UCP1: variants seen among roughly 807,000 people sequenced by gnomAD.
UCP1 encodes uncoupling protein 1.
A neutral mutation model predicts 26.2 loss-of-function variants in UCP1; 24 were observed. That is an observed-to-expected ratio of 0.92 (90% CI 0.66 to 1.29). The LOEUF is 1.29. Ranked by LOEUF, UCP1 falls within the 50% of genes most tolerant of loss-of-function variation. The pLI, the probability that UCP1 is intolerant of heterozygous loss-of-function variation, is 0.00. For missense variants in UCP1, 402 were observed against 388.7 expected, an observed-to-expected ratio of 1.03 and a Z score of -0.29; for synonymous variants, 164 against 156.8, an observed-to-expected ratio of 1.05 and a Z score of -0.34.
At chr4:140,568,238 A>AG (rs1219844853) in intron 1 of UCP1, among the ~76,000 whole-genome samples, 1 of 151,850 alleles carries the variant, frequency 6.6e-6, no homozygotes, top group Non-Finnish European at 1.5e-5. Flanking sequence ...CAGAACCCCT[A>AG]GGGCAGTAGG....
chr4:140,559,843 G>T lies in UCP1; in HGVS notation c.*53C>A. 1 of 1,418,848 alleles carries T rather than the reference G, an allele frequency of 7.0e-7. No homozygotes were observed. Among genetic ancestry groups the T allele is most frequent in the Middle Eastern group, 1.7e-4 (1 of 5,718 alleles). 87.9% of individuals were successfully genotyped at this position (1,418,848 alleles called of 1,614,324 possible). ...GTGAATAAGTTTTGTTTGTTTTTAT[G>T]ATCCAGTCAGCAAGATTCCCACTGG... is the stretch of plus-strand genomic sequence containing the variant. On this transcript the variant is annotated 3_prime_UTR_variant, in exon 6 of 6. Transcript: ENST00000262999.
intron 5 of UCP1, among the ~76,000 whole-genome samples, chr4:140,560,906 T>C (rs1431517397): frequency 6.6e-6 from 1 of 152,154 alleles, no homozygotes; most frequent in Non-Finnish European, 1.5e-5. Flanking sequence ...CTCCAGCCCC[T>C]GGTAACTTCT....
intron 2 of UCP1, among the ~76,000 whole-genome samples, chr4:140,566,012 G>C (rs1044352660): frequency 3.3e-5 from 5 of 152,140 alleles, no homozygotes; most frequent in African/African-American, 1.2e-4. Context: ...ACAATTGCCT[G>C]TAGTATTCAA....
At position 140,567,769 on chromosome 4, in the gene UCP1, C is replaced by T; in HGVS notation, c.325+10G>A. 1 of 1,613,752 alleles carries T rather than the reference C, an allele frequency of 6.2e-7. No homozygotes were observed. Among genetic ancestry groups the T allele is most frequent in the Non-Finnish European group, 8.5e-7 (1 of 1,179,924 alleles). ...CTTTTCTGCCCCTCCCAGGAACGCT[C>T]ACGGCTTACTTTCTTTCCCTGCGGT... On this transcript the variant is annotated intron_variant, in intron 2 of 5. Coordinates refer to ENST00000262999, the MANE Select transcript of UCP1 (RefSeq NM_021833.5).
intron 1 of UCP1, among the ~76,000 whole-genome samples, 153 bp downstream of exon 1, chr4:140,568,451 A>C (rs1451367178): frequency 6.6e-6 from 1 of 152,066 alleles, no homozygotes; most frequent in Admixed American, 6.5e-5. Flanking sequence ...TCCCATCCTA[A>C]AGCACCAGCC....
intron 2 of UCP1, among the ~76,000 whole-genome samples, chr4:140,566,788 A>G (rs940580521): frequency 1.3e-5 from 2 of 152,232 alleles, no homozygotes; most frequent in Admixed American, 1.3e-4. Context: ...GATTTTGTGC[A>G]TGTTACTTAA....
In UCP1 at chr4:140,568,812, C is replaced by G; in HGVS notation, c.-83G>C. 1 of 1,530,506 alleles carries G rather than the reference C, an allele frequency of 6.5e-7. No individual in the cohort carries two copies. The highest frequency in any genetic ancestry group is 8.8e-7 in the Non-Finnish European group (1 of 1,141,728). 94.8% of individuals were successfully genotyped at this position (1,530,506 alleles called of 1,614,324 possible). On this transcript the variant is annotated 5_prime_UTR_variant, in exon 1 of 6. Transcript: ENST00000262999. ...AGTTCCTTTCCCTTGCTCTTCACGC[C>G]TGTCCGCCGGGCAGCAAACCCGATT...
Position 140,559,763 on chromosome 4 carries a change from T to TA in UCP1, c.*132dup, listed in dbSNP as rs1735637208. On this transcript the variant is annotated 3_prime_UTR_variant, in exon 6 of 6. Coordinates refer to ENST00000262999, the MANE Select transcript of UCP1 (RefSeq NM_021833.5). ...GGCATTAATTTTCCTCTTTTTTATA[T>TA]AAAAAAGTCCAAAATTCTCTGCCAA... The TA allele has an allele frequency of 3.5e-6, 3 of 849,516 alleles. No individual in the cohort carries two copies. The highest frequency in any genetic ancestry group is 2.7e-5 in the East Asian group (1 of 37,578). 52.6% of individuals were successfully genotyped at this position (849,516 alleles called of 1,614,324 possible). A position where few individuals can be genotyped will look rare whatever the true frequency, so the allele number is the denominator to read the frequency against.
Position 140,562,348 on chromosome 4 carries a change from C to A in UCP1, c.654G>T (p.Ser218=). 1 of 1,613,970 alleles carries A rather than the reference C, an allele frequency of 6.2e-7. No individual in the cohort carries two copies. The highest frequency in any genetic ancestry group is 8.5e-7 in the Non-Finnish European group (1 of 1,179,982). The change falls in exon 5 of 6, where the codon TCG becomes TCT. Residue 218 remains serine (S), a synonymous_variant. Coordinates refer to ENST00000262999, the MANE Select transcript of UCP1 (RefSeq NM_021833.5). ...TTGCGCAAAATCCAGCGATAAGAGC[C>A]GACACCAAGTGGCAGGGGACGTCAT... is the stretch of plus-strand genomic sequence containing the variant. ...LADDVPCHLV[S]ALIAGFCATA... is the part of the protein sequence containing the mutation.
rs1317929367 is a variant in UCP1, at chr4:140,562,266, C to T, written c.736G>A (p.Gly246Arg). ...CAGTTGGGCACACTTTTGTACTGTC[C>T]TGGTGGAGAATTAATAAATCTGGTT... ...VKTRFINSPP[G>R]QYKSVPNCAM... The change falls in exon 5 of 6, where the codon GGA (glycine) becomes AGA (arginine). Residue 246 changes from glycine (G) to arginine (R), a missense_variant. Gly to Arg is a moderately radical substitution (Grantham distance 125). Transcript: ENST00000262999. 1 of 1,614,102 alleles carries T rather than the reference C, an allele frequency of 6.2e-7. No individual in the cohort carries two copies. Among genetic ancestry groups the T allele is most frequent in the Admixed American group, 1.7e-5 (1 of 60,008 alleles).
At chr4:140,564,746 G>A (rs547776075) in intron 2 of UCP1, among the ~76,000 whole-genome samples, 41 of 152,188 alleles carry the variant, frequency 2.7e-4, no homozygotes, top group Admixed American at 1.2e-3. Flanking sequence ...GCTCACATTT[G>A]TAATGCACTG....
intron 2 of UCP1, 106 bp from the exon 3 acceptor site, chr4:140,563,624 TTG>T: frequency 9.2e-7 from 1 of 1,087,280 alleles, no homozygotes; most frequent in Non-Finnish European, 1.3e-6. Context: ...TTTTTTTTTT[TTG>T]AGATGGAGTC....
At chr4:140,563,283 T>A in intron 3 of UCP1, 35 bp downstream of exon 3, 2 of 1,613,692 alleles carry the variant, frequency 1.2e-6, no homozygotes, top group Middle Eastern at 3.3e-4. Context: ...TGTATGTGCT[T>A]TGGTGGTTAT....
intron 5 of UCP1, among the ~76,000 whole-genome samples, chr4:140,560,702 C>A (rs1735657227): frequency 6.6e-6 from 1 of 151,306 alleles, no homozygotes; most frequent in South Asian, 2.1e-4. Flanking sequence ...TCCTTCAAGT[C>A]TCTTAACATG....
In UCP1 at chr4:140,567,786, C is replaced by A; in HGVS notation, c.318G>T (p.Gly106=). 5 of 1,613,990 alleles carry A rather than the reference C, an allele frequency of 3.1e-6. No homozygotes were observed. The highest frequency in any genetic ancestry group is 4.2e-6 in the Non-Finnish European group (5 of 1,179,934). ...GGAACGCTCACGGCTTACTTTCTTT[C>A]CCTGCGGTGAGGAACTCCTGGACCG... ...YDTVQEFLTA[G]KETAPSLGSK... is the part of the protein sequence containing the mutation. Residue 106 remains glycine, a synonymous_variant, in exon 2 of 6, where the codon GGG becomes GGT. Coordinates refer to ENST00000262999, the MANE Select transcript of UCP1 (RefSeq NM_021833.5).
In UCP1 at chr4:140,563,100, G is replaced by T; in HGVS notation, c.628+10C>A. ...TGCAGACCTGTTTGTTATATGAAAT[G>T]GGAAGTTACCTGCTAATATGTTGTT... On this transcript the variant is annotated intron_variant, in intron 4 of 5. Transcript: ENST00000262999. 6.2e-7 allele frequency: 1 copy of T among 1,606,300 alleles called. No homozygotes were observed. The highest frequency in any genetic ancestry group is 8.5e-7 in the Non-Finnish European group (1 of 1,173,326).
chr4:140,560,996 T>C (rs1456791213), intron 5 of UCP1, among the ~76,000 whole-genome samples: 3 of 152,242 alleles, frequency 2.0e-5, no homozygotes. Flanking sequence ...CTTTTGTGTC[T>C]GGCTTATTTC....
chr4:140,566,523 G>A (rs1735802823), intron 2 of UCP1, among the ~76,000 whole-genome samples: 2 of 152,148 alleles, frequency 1.3e-5, no homozygotes, highest in Admixed American at 6.5e-5. Context: ...ATAAAAAAAT[G>A]CAGTTTTGAT....
Position 140,568,890 on chromosome 4 carries a change from A to C in UCP1, c.-161T>G. On this transcript the variant is annotated 5_prime_UTR_variant, in exon 1 of 6. Coordinates refer to ENST00000262999, the MANE Select transcript of UCP1 (RefSeq NM_021833.5). ...GCGGCGGTGCAGAGGCGGCGGCTGC[A>C]GACGGAGCGCGGTGTTGGGGGCCGA... The C allele has an allele frequency of 2.0e-5, 23 of 1,142,416 alleles. No individual in the cohort carries two copies. In the South Asian group the frequency reaches 3.5e-4, roughly 17 times the overall value. 70.8% of individuals were successfully genotyped at this position (1,142,416 alleles called of 1,614,324 possible).
Sources: allele counts gnomAD v4.1 joint callset (sites outside exome capture counted in the v4.1 genomes callset), GRCh38; gene constraint gnomAD v4.1.1; transcripts MANE v1.5; gene names NCBI Gene and HGNC (gene_info 2026-07-23, HGNC 2026-07-21).